STAG2: variants seen among roughly 807,000 people sequenced by gnomAD.
STAG2 encodes STAG2 cohesin complex component.
STAG2 carries 14 observed loss-of-function variants against 108.1 expected under a neutral mutation model. The ratio of observed to expected loss-of-function variants is 0.13; its 90% confidence interval spans 0.09 to 0.20. STAG2 has a LOEUF of 0.20. STAG2 is among the 10% of genes least tolerant of loss of function. The pLI, the probability that STAG2 is intolerant of heterozygous loss-of-function variation, is 1.00. For synonymous variants in STAG2, 307 were observed against 302.7 expected (o/e 1.01, Z -0.15); for missense variants, 440 against 940.9 (o/e 0.47, Z 6.96).
At chrX:123,960,602 CAAAAAAAAAAAAAAAAAAAAAA>C (rs1208693829), upstream of STAG2, 3 of 7,011 alleles carry the variant, frequency 4.3e-4, no homozygotes, top group Admixed American at 2.7e-3. Context: ...GAAGCGCCAC[CAAAAAAAAAAAAAAAAAAAAAA>C]AAAAAAAAAA....
intron 1 of STAG2, among the ~76,000 whole-genome samples, chrX:123,992,350 A>G (rs2055524331): frequency 9.0e-6 from 1 of 111,491 alleles, no homozygotes. Context: ...TATTATTTTT[A>G]TCATCAGGCC....
intron 4 of STAG2, among the ~76,000 whole-genome samples, chrX:124,026,962 C>T (rs1475944179): frequency 8.9e-6 from 1 of 111,836 alleles, no homozygotes; most frequent in Non-Finnish European, 1.9e-5. Context: ...TTCACTGGCA[C>T]AGTCATGGCA....
chrX:124,083,707 A>G (rs1327254174), intron 29 of STAG2, among the ~76,000 whole-genome samples, 158 bp downstream of exon 29: 2 of 112,556 alleles, frequency 1.8e-5, no homozygotes, highest in Non-Finnish European at 3.7e-5. Context: ...TTTAAGGATT[A>G]TAACTGTGTT....
intron 32 of STAG2, among the ~76,000 whole-genome samples, chrX:124,092,241 A>G (rs2059267842): frequency 9.0e-6 from 1 of 111,661 alleles, no homozygotes; most frequent in East Asian, 2.8e-4. Flanking sequence ...ACCTCTAGAG[A>G]CACAAGGTAT....
intron 1 of STAG2, among the ~76,000 whole-genome samples, chrX:124,001,671 AG>A (rs1478724169): frequency 8.9e-6 from 1 of 111,992 alleles, no homozygotes; most frequent in Non-Finnish European, 1.9e-5. Context: ...TACAGTATTT[AG>A]TACAGTAACA....
At chrX:124,068,773 C>A in intron 24 of STAG2, 117 bp downstream of exon 24, 1 of 444,060 alleles carries the variant, frequency 2.3e-6, no homozygotes, top group Non-Finnish European at 3.8e-6. Context: ...TTGTATCTGC[C>A]TATGTATATT....
chrX:124,097,470 A>C (rs1351719160), intron 34 of STAG2, among the ~76,000 whole-genome samples: 1 of 111,753 alleles, frequency 8.9e-6, no homozygotes, highest in Non-Finnish European at 1.9e-5. Context: ...GAATATTTTC[A>C]AGCAGGTGCG....
At chrX:124,076,086 C>A (rs1402305640) in intron 25 of STAG2, among the ~76,000 whole-genome samples, 1 of 111,391 alleles carries the variant, frequency 9.0e-6, no homozygotes, top group Non-Finnish European at 1.9e-5. Flanking sequence ...GCAAGTTTAG[C>A]CTGACTTCAG....
intron 13 of STAG2, among the ~76,000 whole-genome samples, chrX:124,052,815 CT>C (rs746658587): frequency 1.9e-3 from 189 of 97,446 alleles, no homozygotes; most frequent in Admixed American, 3.0e-3. Context: ...TTTCCAATTT[CT>C]TTTTTTTTTT....
Position 124,051,118 on chromosome X carries a change from T to TTTA in STAG2, c.1018-3_1018-2insTTA. The TTTA allele has an allele frequency of 1.1e-6, 1 of 925,744 alleles. No individual in the cohort carries two copies. The allele number at this position is 925,744 out of a possible 1,213,427, so 76.3% of individuals were successfully genotyped here. On this transcript the variant is annotated splice_region_variant and splice_polypyrimidine_tract_variant and intron_variant, in intron 11 of 34. Coordinates refer to ENST00000371145, the MANE Select transcript of STAG2 (RefSeq NM_001042750.2). ...TCTCATCTTTTTTTTTTTTTTTTTT[T>TTTA]AGCAAGGTGAAGTAAGACTCAAATG...
At chrX:124,093,064 G>T (rs1468967641) in intron 32 of STAG2, among the ~76,000 whole-genome samples, 1 of 111,567 alleles carries the variant, frequency 9.0e-6, no homozygotes, top group East Asian at 2.8e-4. Context: ...GTCTTTGGAT[G>T]AGAAAAGAAG....
At chrX:124,031,756 A>G (rs1221336448) in intron 5 of STAG2, among the ~76,000 whole-genome samples, 6 of 101,313 alleles carry the variant, frequency 5.9e-5, no homozygotes, top group African/African-American at 2.2e-4. Context: ...TTTGAGATGG[A>G]GTCTCACTCT....
At chrX:124,076,115 G>A (rs1168356382) in intron 25 of STAG2, among the ~76,000 whole-genome samples, 1 of 111,627 alleles carries the variant, frequency 9.0e-6, no homozygotes, top group African/African-American at 3.3e-5. Context: ...CATGGAATAC[G>A]AACAAATGGA....
At chrX:124,001,914 T>C (rs746182090) in intron 1 of STAG2, among the ~76,000 whole-genome samples, 28 of 111,982 alleles carry the variant, frequency 2.5e-4, no homozygotes, top group African/African-American at 8.1e-4. Flanking sequence ...TATACTCCCT[T>C]GCAACCATCC....
chrX:124,039,159 TTATTA>T (rs2057617875), intron 6 of STAG2, among the ~76,000 whole-genome samples: 1 of 104,858 alleles, frequency 9.5e-6, no homozygotes, highest in Non-Finnish European at 1.9e-5. Context: ...ATTATTATTA[TTATTA>T]TTATTTTATG....
In STAG2 at chrX:124,085,169, A is replaced by C. The variant is rs144650784; in HGVS notation, c.3054-1378A>C. On this transcript the variant is annotated intron_variant, in intron 29 of 34. Coordinates refer to ENST00000371145, the MANE Select transcript of STAG2 (RefSeq NM_001042750.2). ...TGGATTTCATTGAGTACAAACAGCA[A>C]AGTACAAAACTGTACTATGATGTTT... is the stretch of plus-strand genomic sequence containing the variant. 3.5e-3 allele frequency among the ~76,000 whole-genome samples: 392 copies of C among 112,349 alleles called. 1 individual carries two copies. The highest frequency in any genetic ancestry group is 0.012 in the African/African-American group (365 of 30,916).
At chrX:123,999,442 C>G (rs1412597751) in intron 1 of STAG2, among the ~76,000 whole-genome samples, 4 of 110,980 alleles carry the variant, frequency 3.6e-5, no homozygotes, top group African/African-American at 6.6e-5. Context: ...CCTCCCTCCC[C>G]CTTCTCTCCC....
intron 28 of STAG2, among the ~76,000 whole-genome samples, chrX:124,083,000 A>G (rs1231174507): frequency 9.0e-6 from 1 of 111,123 alleles, no homozygotes; most frequent in Non-Finnish European, 1.9e-5. Flanking sequence ...TTTACTCTTG[A>G]ATTGTTTATT....
chrX:123,978,069 C>T (rs1318414359), intron 1 of STAG2, among the ~76,000 whole-genome samples: 1 of 107,960 alleles, frequency 9.3e-6, no homozygotes, highest in Non-Finnish European at 1.9e-5. Flanking sequence ...GTTTTGAACT[C>T]GTGGGCTCAA....
Sources: gnomAD v4.1 joint callset for allele counts (sites outside exome capture counted in the v4.1 genomes callset) on GRCh38, gnomAD v4.1.1 for gene constraint, MANE v1.5 for transcripts, NCBI Gene and HGNC (gene_info 2026-07-23, HGNC 2026-07-21) for gene names.